The following CHST13 variants were observed in gnomAD, a reference collection of about 807,000 sequenced individuals.
The protein encoded by CHST13 is carbohydrate sulfotransferase 13.
In CHST13, 1 loss-of-function variant was observed where a neutral mutation model predicts 7.0. The observed-to-expected ratio is 0.14, with a 90% confidence interval of 0.05 to 0.68. CHST13 has a LOEUF of 0.68. Ranked by LOEUF, CHST13 falls within the 30% of genes least tolerant of loss-of-function variation. The pLI is 0.82. For synonymous variants in CHST13, 257 were observed against 240.9 expected, an observed-to-expected ratio of 1.07 and a Z score of -0.62; for missense variants, 572 against 507.9, an observed-to-expected ratio of 1.13 and a Z score of -1.21.
rs1576236388 is a variant in CHST13, at chr3:126,540,027, A to T, written c.181-1706A>T. 2.0e-5 allele frequency among the ~76,000 whole-genome samples: 3 copies of T among 148,128 alleles called. No homozygotes were observed. In the East Asian group the frequency reaches 6.1e-4, roughly 30 times the overall value. On this transcript the variant is annotated intron_variant, in intron 2 of 2. Transcript: ENST00000319340. ...AATGCCACACACGCATGCCACACAC[A>T]CGCACACCACACACCACACAGAGAC...
chr3:126,537,017 G>A (rs150306901), intron 2 of CHST13, among the ~76,000 whole-genome samples: 2,728 of 152,228 alleles, frequency 0.018, 39 homozygotes, highest in Middle Eastern at 0.037. Flanking sequence ...CAGCAAGCAG[G>A]TTGGCCAGGT....
chr3:126,536,918 C>T (rs1936807376), intron 2 of CHST13, among the ~76,000 whole-genome samples: 1 of 151,456 alleles, frequency 6.6e-6, no homozygotes, highest in Non-Finnish European at 1.5e-5. Context: ...CACACACACA[C>T]ACACACCCCA....
At chr3:126,524,710 G>C (rs1936502678) in intron 1 of CHST13, among the ~76,000 whole-genome samples, 2 of 152,146 alleles carry the variant, frequency 1.3e-5, no homozygotes, top group South Asian at 4.1e-4. Flanking sequence ...AGTTGTGGGG[G>C]GTAGAGGACA....
chr3:126,530,723 C>T (rs1936639685), intron 1 of CHST13, among the ~76,000 whole-genome samples: 1 of 152,282 alleles, frequency 6.6e-6, no homozygotes, highest in African/African-American at 2.4e-5. Flanking sequence ...CTCCTGTCAG[C>T]TCCTTTTCTG....
In CHST13 at chr3:126,542,797, G is replaced by C. The variant is rs1201737732; in HGVS notation, c.*219G>C. ...GTGCCTGCCTCGGCCTGTCGCCTGA[G>C]GCCTGCTTCCTCCACTTGCTCCAGC... is the stretch of plus-strand genomic sequence containing the variant. On this transcript the variant is annotated 3_prime_UTR_variant, in exon 3 of 3. Transcript: ENST00000319340. 17 of 535,040 alleles carry C rather than the reference G, an allele frequency of 3.2e-5. No homozygotes were observed. Among genetic ancestry groups the C allele is most frequent in the Non-Finnish European group, 5.0e-5 (17 of 343,368 alleles). 33.1% of individuals were successfully genotyped at this position (535,040 alleles called of 1,614,324 possible). A position where few individuals can be genotyped will look rare whatever the true frequency, so the allele number is the denominator to read the frequency against.
At chr3:126,524,523 C>G (rs2107559815) in intron 1 of CHST13, 94 bp downstream of exon 1, 1 of 397,966 alleles carries the variant, frequency 2.5e-6, no homozygotes, top group South Asian at 1.3e-4. Flanking sequence ...GCGGGGGACA[C>G]CTGTTGTCTC....
rs940449234 is a variant in CHST13, at chr3:126,524,494, G to A, written c.97+65G>A. On this transcript the variant is annotated intron_variant, in intron 1 of 2. Coordinates refer to ENST00000319340, the MANE Select transcript of CHST13 (RefSeq NM_152889.3). ...CCTGGCTCCTCGCGCTTTCCACCGCGGCCTGACCCCTCGACAGCGCGGGGG... is the reference window on the plus strand; with the variant it reads ...CCTGGCTCCTCGCGCTTTCCACCGCAGCCTGACCCCTCGACAGCGCGGGGG... 7.4e-6 allele frequency: 4 copies of A among 542,638 alleles called. No individual in the cohort carries two copies. In the African/African-American group the frequency reaches 7.9e-5, roughly 11 times the overall value. The allele number at this position is 542,638 out of a possible 1,614,324, so 33.6% of individuals were successfully genotyped here.
At chr3:126,529,670 C>T (rs1190873121) in intron 1 of CHST13, among the ~76,000 whole-genome samples, 1 of 152,128 alleles carries the variant, frequency 6.6e-6, no homozygotes, top group Non-Finnish European at 1.5e-5. Flanking sequence ...CTGTCTCTTC[C>T]TTCTCTTTCT....
Position 126,524,310 on chromosome 3 carries a change from C to T in CHST13, c.-23C>T. On this transcript the variant is annotated 5_prime_UTR_variant, in exon 1 of 3. Coordinates refer to ENST00000319340, the MANE Select transcript of CHST13 (RefSeq NM_152889.3). ...CCCCAGCCGTATCCAGCGGACTGTC[C>T]TCCGCCGCGCGCCCGGCACAGCATG... 8.1e-7 allele frequency: 1 copy of T among 1,231,800 alleles called. No homozygotes were observed. 76.3% of individuals were successfully genotyped at this position (1,231,800 alleles called of 1,614,324 possible). A position where few individuals can be genotyped will look rare whatever the true frequency, so the allele number is the denominator to read the frequency against.
At position 126,542,453 on chromosome 3, in the gene CHST13, C is replaced by G. The variant is rs1431270639; in HGVS notation, c.901C>G (p.Arg301Gly). 5.7e-6 allele frequency: 9 copies of G among 1,567,792 alleles called. No homozygotes were observed. The highest frequency in any genetic ancestry group is 1.2e-5 in the South Asian group (1 of 85,472). ...PPRPRGAAAS[R>G]DLAARLFRDI... Reference sequence around the variant, plus strand: ...GCGGCCCCGGGGAGCCGCCGCCTCCCGCGACCTGGCAGCGCGCCTCTTCCG... The same window carrying G: ...GCGGCCCCGGGGAGCCGCCGCCTCCGGCGACCTGGCAGCGCGCCTCTTCCG... Residue 301 changes from arginine (R) to glycine (G), a missense_variant, in exon 3 of 3, where the codon CGC becomes GGC. Physicochemically the swap from Arg to Gly is moderately radical, Grantham distance 125. Transcript: ENST00000319340.
rs1056524 is a variant in CHST13, at chr3:126,542,359, G to A, written c.807G>A (p.Thr269=). ...ACGACGTCGTGGGCAAGTTCGAGAC[G>A]CTGGCGGAGGACGCGGCCTTCGTGC... is the stretch of plus-strand genomic sequence containing the variant. ...LRYDVVGKFE[T]LAEDAAFVLG... Residue 269 remains threonine, a synonymous_variant, in exon 3 of 3, where the codon ACG becomes ACA. Coordinates refer to ENST00000319340, the MANE Select transcript of CHST13 (RefSeq NM_152889.3). 0.3 allele frequency: 471,119 copies of A among 1,561,324 alleles called. 73,010 individuals are homozygous for A. The highest frequency in any genetic ancestry group is 0.45 in the African/African-American group (32,366 of 71,534).
rs1364786977 is a variant in CHST13 at position 126,524,299 on chromosome 3, A to C, written c.-34A>C. On this transcript the variant is annotated 5_prime_UTR_variant, in exon 1 of 3. Coordinates refer to ENST00000319340, the MANE Select transcript of CHST13 (RefSeq NM_152889.3). The stretch of plus-strand genomic sequence containing the variant: ...TGCAACTCCGCCCCCAGCCGTATCC[A>C]GCGGACTGTCCTCCGCCGCGCGCCC... The C allele has an allele frequency of 2.4e-6, 3 of 1,226,162 alleles. No homozygotes were observed. Among genetic ancestry groups the C allele is most frequent in the Non-Finnish European group, 3.0e-6 (3 of 983,696 alleles). The allele number at this position is 1,226,162 out of a possible 1,614,324, so 76.0% of individuals were successfully genotyped here.
At chr3:126,527,723 G>A (rs1936566586) in intron 1 of CHST13, 1 of 152,270 alleles carries the variant, frequency 6.6e-6, no homozygotes, top group African/African-American at 2.4e-5. Flanking sequence ...AGGGGAAGTG[G>A]CTGCTGGAGC....
intron 1 of CHST13, chr3:126,529,399 T>C (rs1411724192): frequency 7.8e-7 from 1 of 1,288,760 alleles, no homozygotes; most frequent in Non-Finnish European, 1.0e-6. Context: ...GGGGGACAGG[T>C]GTCAGGACAA....
At position 126,543,262 on chromosome 3, in the gene CHST13, T is replaced by G. The variant is rs1339874279; in HGVS notation, c.*684T>G. The G allele has an allele frequency of 6.6e-6, 1 of 152,280 alleles. No homozygotes were observed. Among genetic ancestry groups the G allele is most frequent in the Non-Finnish European group, 1.5e-5 (1 of 68,066 alleles). 9.4% of individuals were successfully genotyped at this position (152,280 alleles called of 1,614,324 possible). A position where few individuals can be genotyped will look rare whatever the true frequency, so the allele number is the denominator to read the frequency against. On this transcript the variant is annotated 3_prime_UTR_variant, in exon 3 of 3. Transcript: ENST00000319340. ...TTTGGTGAGCTGGGCGGTCATGGTT[T>G]TGAAATAAATGTATTTTGTTACTTT...
At chr3:126,531,203 AC>A (rs904394091) in intron 1 of CHST13, among the ~76,000 whole-genome samples, 1 of 152,054 alleles carries the variant, frequency 6.6e-6, no homozygotes, top group Non-Finnish European at 1.5e-5. Context: ...CTTGGGCCCC[AC>A]CCCCCAACCT....
intron 1 of CHST13, among the ~76,000 whole-genome samples, chr3:126,528,251 C>T (rs569997727): frequency 2.5e-4 from 38 of 152,100 alleles, no homozygotes; most frequent in Non-Finnish European, 5.3e-4. Flanking sequence ...CTGGGGTGCT[C>T]TTCCTATGGC....
At chr3:126,529,702 C>T (rs1184445710) in intron 1 of CHST13, among the ~76,000 whole-genome samples, 1 of 152,168 alleles carries the variant, frequency 6.6e-6, no homozygotes, top group African/African-American at 2.4e-5. Flanking sequence ...GCCCTGTCGT[C>T]CATCACTGTC....
chr3:126,542,408 C>T lies in CHST13; in HGVS notation c.856C>T (p.Leu286=), dbSNP rs764105342. 2.6e-6 allele frequency: 4 copies of T among 1,554,158 alleles called. No individual in the cohort carries two copies. The highest frequency in any genetic ancestry group is 3.9e-5 in the Admixed American group (2 of 51,616). Residue 286 remains leucine (L), a synonymous_variant, in exon 3 of 3, where the codon CTG becomes TTG. Coordinates refer to ENST00000319340, the MANE Select transcript of CHST13 (RefSeq NM_152889.3). ...FVLGLAGASD[L]SFPGPPRPRG... is the part of the protein sequence containing the mutation. ...GCTGGGCCTGGCGGGCGCATCCGACCTGAGCTTCCCTGGGCCGCCGCGGCC... is the reference window on the plus strand; with the variant it reads ...GCTGGGCCTGGCGGGCGCATCCGACTTGAGCTTCCCTGGGCCGCCGCGGCC...
Sources: gnomAD v4.1 joint callset for allele counts (sites outside exome capture counted in the v4.1 genomes callset) on GRCh38, gnomAD v4.1.1 for gene constraint, MANE v1.5 for transcripts, NCBI Gene and HGNC (gene_info 2026-07-23, HGNC 2026-07-21) for gene names.